Variants in GAB3 observed in about 807,000 individuals in gnomAD.
GAB3 encodes GRB2 associated binding protein 3.
GAB3 carries 12 observed loss-of-function variants against 40.4 expected under a neutral mutation model. The ratio of observed to expected loss-of-function variants is 0.30; its 90% CI spans 0.19 to 0.48. The LOEUF (loss-of-function observed/expected upper bound fraction) is 0.48, where lower values mean the gene tolerates loss of function less well. GAB3 is among the 20% of genes least tolerant of loss of function. The pLI is 0.99. For missense variants in GAB3, 381 were observed against 461.9 expected, an observed-to-expected ratio of 0.82 and a Z score of 1.61; for synonymous variants, 154 against 176.7, an observed-to-expected ratio of 0.87 and a Z score of 1.02.
chrX:154,691,646 G>A (rs782609028), intron 8 of GAB3, among the ~76,000 whole-genome samples: 2 of 111,305 alleles, frequency 1.8e-5, no homozygotes, highest in African/African-American at 6.5e-5. Flanking sequence ...AATTCCAATG[G>A]TCTTTTTTTG....
chrX:154,710,717 C>T (rs1253869906), intron 4 of GAB3, among the ~76,000 whole-genome samples: 1 of 112,121 alleles, frequency 8.9e-6, no homozygotes, highest in Non-Finnish European at 1.9e-5. Flanking sequence ...TGCTTCTAGG[C>T]ACCACTGTTG....
rs781823936 is a variant in GAB3 at position 154,709,470 on chromosome X, G to A, written c.1069+2759C>T. ...CGAGTAGCTGGGACCACAGGCACCC[G>A]CCACCACACTGGGTAATTTTTGTAT... On this transcript the variant is annotated intron_variant, in intron 4 of 9. Transcript: ENST00000424127. 7.1e-3 allele frequency among the ~76,000 whole-genome samples: 769 copies of A among 108,958 alleles called. 4 individuals carry two copies. Among genetic ancestry groups the A allele is most frequent in the Non-Finnish European group, 0.012 (611 of 52,365 alleles). The allele number at this position is 108,958 out of a possible 115,157, so 94.6% of individuals were successfully genotyped here.
At chrX:154,681,368 A>G (rs782811532) in intron 8 of GAB3, among the ~76,000 whole-genome samples, 12 of 109,625 alleles carry the variant, frequency 1.1e-4, no homozygotes, top group Non-Finnish European at 2.3e-4. Flanking sequence ...ACCTGTTCAT[A>G]TGTTGAAAGG....
intron 1 of GAB3, among the ~76,000 whole-genome samples, chrX:154,716,866 T>C (rs2071054450): frequency 9.0e-6 from 1 of 111,508 alleles, no homozygotes. Context: ...AGGTGACAAA[T>C]TGTCTTCCAT....
upstream of GAB3, chrX:154,751,119 G>GC (rs2071610007): frequency 4.1e-6 from 3 of 725,605 alleles, no homozygotes; most frequent in South Asian, 1.4e-4. Flanking sequence ...CCCAGCGCCC[G>GC]CCCGCCCAGC....
In GAB3 at chrX:154,750,985, T is replaced by C; in HGVS notation, c.41A>G (p.Lys14Arg). The change falls in exon 1 of 10, where the codon AAG becomes AGG. Residue 14 changes from lysine (K) to arginine (R), a missense_variant. By Grantham distance (26) the Lys-to-Arg change is conservative. This residue lies in a region of GAB3 where 364 missense variants were observed against 421.0 expected (regional missense o/e 0.86). Coordinates refer to ENST00000424127, the MANE Select transcript of GAB3 (RefSeq NM_001081573.3). Reference sequence around the variant, plus strand: ...CTGTAGCTTCCTCTCGGGGGGCGACTTAACGAGCCAGCCGGTGCACACTGC... The same window carrying C: ...CTGTAGCTTCCTCTCGGGGGGCGACCTAACGAGCCAGCCGGTGCACACTGC... ...GDAVCTGWLV[K>R]SPPERKLQRY... 1 of 812,995 alleles carries C rather than the reference T, an allele frequency of 1.2e-6. No homozygotes were observed. The highest frequency in any genetic ancestry group is 1.5e-6 in the Non-Finnish European group (1 of 671,264). 67.0% of individuals were successfully genotyped at this position (812,995 alleles called of 1,213,427 possible).
At chrX:154,696,300 A>C (rs1557250731) in intron 7 of GAB3, among the ~76,000 whole-genome samples, 2 of 74,764 alleles carry the variant, frequency 2.7e-5, no homozygotes, top group Admixed American at 1.3e-4. Context: ...TCATTTAGCA[A>C]AAAAAAAAAA....
chrX:154,719,681 G>C (rs2071099547), intron 1 of GAB3, among the ~76,000 whole-genome samples: 1 of 111,979 alleles, frequency 8.9e-6, no homozygotes, highest in Admixed American at 9.4e-5. Context: ...CTCTACATAA[G>C]AGTTTTGATT....
At position 154,677,194 on chromosome X, in the gene GAB3, C is replaced by T. The variant is rs2070308398; in HGVS notation, c.*984G>A. On this transcript the variant is annotated 3_prime_UTR_variant, in exon 10 of 10. Coordinates refer to ENST00000424127, the MANE Select transcript of GAB3 (RefSeq NM_001081573.3). ...GTTGAACATCGCAGAAAGAAACCCT[C>T]ACTTGACATGCACATCTTTCAAGTA... is the stretch of plus-strand genomic sequence containing the variant. The T allele has an allele frequency of 8.9e-6, 1 of 111,790 alleles. No homozygotes were observed. Among genetic ancestry groups the T allele is most frequent in the South Asian group, 3.8e-4 (1 of 2,628 alleles). 9.2% of individuals were successfully genotyped at this position (111,790 alleles called of 1,213,427 possible). A position where few individuals can be genotyped will look rare whatever the true frequency, so the allele number is the denominator to read the frequency against.
At chrX:154,742,215 C>T (rs1197706659) in intron 1 of GAB3, among the ~76,000 whole-genome samples, 1 of 112,035 alleles carries the variant, frequency 8.9e-6, no homozygotes, top group Non-Finnish European at 1.9e-5. Flanking sequence ...ACCAAAAATA[C>T]AACATATCAC....
At chrX:154,697,501 C>A (rs1417794698) in intron 6 of GAB3, among the ~76,000 whole-genome samples, 1 of 112,017 alleles carries the variant, frequency 8.9e-6, no homozygotes, top group African/African-American at 3.2e-5. Flanking sequence ...ATGAATAAAG[C>A]AGATGAAAGT....
chrX:154,731,581 T>C (rs1053850397), intron 1 of GAB3, among the ~76,000 whole-genome samples: 2 of 111,798 alleles, frequency 1.8e-5, no homozygotes. Flanking sequence ...GTCAATATTA[T>C]GTTATGCATC....
chrX:154,684,565 A>G (rs2070421639), intron 8 of GAB3, among the ~76,000 whole-genome samples: 1 of 111,435 alleles, frequency 9.0e-6, no homozygotes, highest in African/African-American at 3.3e-5. Context: ...ATTTGTATTC[A>G]TATCTTTTGT....
rs1368353522 is a variant in GAB3, at chrX:154,677,204, G to A, written c.*974C>T. ...GCAGAAAGAAACCCTCACTTGACAT[G>A]CACATCTTTCAAGTATCAAAACACC... On this transcript the variant is annotated 3_prime_UTR_variant, in exon 10 of 10. Coordinates refer to ENST00000424127, the MANE Select transcript of GAB3 (RefSeq NM_001081573.3). 1 of 111,678 alleles carries A rather than the reference G, an allele frequency of 9.0e-6. No homozygotes were observed. Among genetic ancestry groups the A allele is most frequent in the Admixed American group, 9.5e-5 (1 of 10,579 alleles). 9.2% of individuals were successfully genotyped at this position (111,678 alleles called of 1,213,427 possible). A position where few individuals can be genotyped will look rare whatever the true frequency, so the allele number is the denominator to read the frequency against.
At chrX:154,692,294 T>A (rs1557249624) in intron 8 of GAB3, among the ~76,000 whole-genome samples, 1 of 111,746 alleles carries the variant, frequency 8.9e-6, no homozygotes. Context: ...GAATATATTT[T>A]AAAAATTCCT....
At chrX:154,716,667 G>C (rs1329383266) in intron 1 of GAB3, among the ~76,000 whole-genome samples, 1 of 112,370 alleles carries the variant, frequency 8.9e-6, no homozygotes, top group Non-Finnish European at 1.9e-5. Flanking sequence ...TAAAGAACTA[G>C]AAGGAAGCTT....
intron 1 of GAB3, 151 bp downstream of exon 1, chrX:154,750,803 T>G: frequency 4.6e-6 from 1 of 215,166 alleles, no homozygotes; most frequent in Non-Finnish European, 6.9e-6. Flanking sequence ...GACGTGCGAT[T>G]TCGGTTTCCG....
At chrX:154,699,909 A>G in intron 5 of GAB3, 95 bp downstream of exon 5, 1 of 713,009 alleles carries the variant, frequency 1.4e-6, no homozygotes, top group Non-Finnish European at 2.2e-6. Flanking sequence ...TCAGAGACTC[A>G]GAGTGCTGAA....
intron 8 of GAB3, among the ~76,000 whole-genome samples, chrX:154,695,708 T>C (rs1297582848): frequency 8.9e-6 from 1 of 112,157 alleles, no homozygotes; most frequent in Non-Finnish European, 1.9e-5. Context: ...AATCTCAAAA[T>C]GGTATGAGGA....
Sources: allele counts gnomAD v4.1 joint callset (sites outside exome capture counted in the v4.1 genomes callset), GRCh38; gene constraint gnomAD v4.1.1; regional missense constraint gnomAD v4.1.1; transcripts MANE v1.5; gene names NCBI Gene and HGNC (gene_info 2026-07-23, HGNC 2026-07-21).